Variants in SECISBP2 observed in about 807,000 individuals in gnomAD.
SECISBP2 encodes selenocysteine insertion sequence-binding protein 2.
In SECISBP2, 96 loss-of-function variants were observed where a neutral mutation model predicts 98.2. The ratio of observed to expected loss-of-function variants is 0.98; its 90% CI spans 0.83 to 1.16. The LOEUF (loss-of-function observed/expected upper bound fraction) is 1.16. Among genes scored for constraint, SECISBP2 ranks in the 50% most tolerant of loss-of-function variants. The pLI, the probability that SECISBP2 is intolerant of heterozygous loss-of-function variation, is 0.00. For missense variants in SECISBP2, 1,046 were observed against 1,022.9 expected, an observed-to-expected ratio of 1.02 and a Z score of -0.31; for synonymous variants, 407 against 370.2, an observed-to-expected ratio of 1.10 and a Z score of -1.14.
chr9:89,339,741 G>A (rs755810751), intron 8 of SECISBP2, 123 bp from the exon 9 acceptor site: 36 of 754,560 alleles, frequency 4.8e-5, no homozygotes, highest in South Asian at 2.9e-4. Flanking sequence ...AGAGTTTCGC[G>A]GCTTTTTTTT....
At chr9:89,321,717 A>C (rs1448669673) in intron 2 of SECISBP2, among the ~76,000 whole-genome samples, 1 of 152,186 alleles carries the variant, frequency 6.6e-6, no homozygotes, top group Non-Finnish European at 1.5e-5. Flanking sequence ...TTGGTTTATG[A>C]CCAAGGAAAA....
downstream of SECISBP2, chr9:89,362,348 G>C: frequency 6.2e-7 from 1 of 1,614,048 alleles, no homozygotes. Flanking sequence ...TGTGGTCAGT[G>C]GCAGCAGGGT....
Position 89,334,625 on chromosome 9 carries a change from T to G in SECISBP2, c.984T>G (p.Ile328Met), listed in dbSNP as rs770595035. The G allele has an allele frequency of 3.1e-6, 5 of 1,613,928 alleles. No homozygotes were observed. In the Admixed American group the frequency reaches 8.3e-5, roughly 27 times the overall value. Residue 328 changes from isoleucine to methionine, a missense_variant, in exon 7 of 17, where the codon ATT becomes ATG. By Grantham distance (10) the Ile-to-Met change is conservative (BLOSUM62 1). Transcript: ENST00000375807. ...CTTCTATGATAAACTTAAAGACCAT[T>G]GCTTCATCAGCAGATCCTAAAAATG... ...NVTSMINLKT[I>M]ASSADPKNVS...
downstream of SECISBP2, chr9:89,360,656 A>G (rs1243180279): frequency 1.3e-5 from 2 of 152,190 alleles, no homozygotes; most frequent in African/African-American, 2.4e-5. Flanking sequence ...TGGTGATGCT[A>G]TCATTTTCTT....
At position 89,358,709 on chromosome 9, in the gene SECISBP2, T is replaced by C; in HGVS notation, c.2462-12T>C. On this transcript the variant is annotated splice_polypyrimidine_tract_variant and intron_variant, in intron 16 of 16. Coordinates refer to ENST00000375807, the MANE Select transcript of SECISBP2 (RefSeq NM_024077.5). ...ATGCCTATTCCTCACTCGTGCTGTT[T>C]TCTCATTTTAGTTGAAATCTGGAAA... 1 of 1,579,998 alleles carries C rather than the reference T, an allele frequency of 6.3e-7. No individual in the cohort carries two copies. The highest frequency in any genetic ancestry group is 1.3e-5 in the African/African-American group (1 of 74,178).
intron 14 of SECISBP2, among the ~76,000 whole-genome samples, chr9:89,351,406 T>C (rs1180866761): frequency 6.6e-6 from 1 of 152,234 alleles, no homozygotes; most frequent in Non-Finnish European, 1.5e-5. Context: ...ATGTTTACCC[T>C]GTGCTTGTGC....
At chr9:89,357,281 T>G (rs1376645788) in intron 14 of SECISBP2, 130 bp from the exon 15 acceptor site, 3 of 981,454 alleles carry the variant, frequency 3.1e-6, no homozygotes, top group Non-Finnish European at 4.9e-6. Flanking sequence ...CCTTGTATTT[T>G]CAGGGGCGTC....
intron 7 of SECISBP2, among the ~76,000 whole-genome samples, chr9:89,336,689 C>T (rs1361760652): frequency 1.3e-5 from 2 of 149,172 alleles, no homozygotes; most frequent in African/African-American, 2.5e-5. Context: ...ACTTGACTCT[C>T]GGTGAAGCCT....
At chr9:89,350,604 AAT>A in intron 13 of SECISBP2, 26 bp from the exon 14 acceptor site, 1 of 1,603,374 alleles carries the variant, frequency 6.2e-7, no homozygotes. Flanking sequence ...CCAGTGGCAC[AAT>A]TCCTGATGTC....
intron 16 of SECISBP2, 130 bp downstream of exon 16, chr9:89,358,321 C>A: frequency 2.2e-6 from 2 of 911,846 alleles, no homozygotes; most frequent in Non-Finnish European, 3.5e-6. Context: ...GTAAGTCCAG[C>A]CCATTGCCTA....
chr9:89,346,202 A>G (rs1382050008), intron 10 of SECISBP2, among the ~76,000 whole-genome samples: 4 of 152,244 alleles, frequency 2.6e-5, no homozygotes, highest in African/African-American at 9.6e-5. Flanking sequence ...GGATAAAACT[A>G]TATGAGAATT....
At chr9:89,364,765 G>GGA in the SECISBP2 span, 1 of 152,424 alleles carries the variant, frequency 6.6e-6, no homozygotes, top group Non-Finnish European at 1.5e-5. Context: ...CTTGTCTGAT[G>GGA]GAGAGATCAG....
chr9:89,322,111 A>G (rs1825918077), intron 2 of SECISBP2: 1 of 152,238 alleles, frequency 6.6e-6, no homozygotes. Context: ...AAAGATGCTC[A>G]TTTATTCATT....
At chr9:89,341,286 TAA>T in intron 9 of SECISBP2, 59 bp from the exon 10 acceptor site, 1 of 1,511,894 alleles carries the variant, frequency 6.6e-7, no homozygotes, top group Non-Finnish European at 9.1e-7. Context: ...CAGTTTTTTG[TAA>T]AAAGAAAAGC....
chr9:89,364,680 T>C, the SECISBP2 span: 1 of 154,500 alleles, frequency 6.5e-6, no homozygotes, highest in East Asian at 1.9e-4. Flanking sequence ...TTGAAGAAAG[T>C]AGAGAGGCCA....
intron 4 of SECISBP2, among the ~76,000 whole-genome samples, chr9:89,328,400 G>A (rs373265812): frequency 4.1e-4 from 62 of 152,292 alleles, no homozygotes; most frequent in Non-Finnish European, 8.1e-4. Flanking sequence ...TATGTGGCGC[G>A]TGACTATACA....
At chr9:89,356,908 T>A (rs1832174015) in intron 14 of SECISBP2, 1 of 210,678 alleles carries the variant, frequency 4.7e-6, no homozygotes, top group African/African-American at 2.3e-5. Flanking sequence ...GTGCATCACC[T>A]GCACATGGTA....
chr9:89,318,622 G>A lies in SECISBP2; in HGVS notation c.36+10G>A, dbSNP rs756079609. 4.9e-6 allele frequency: 7 copies of A among 1,430,332 alleles called. No individual in the cohort carries two copies. In the African/African-American group the frequency reaches 9.1e-5, roughly 19 times the overall value. 88.6% of individuals were successfully genotyped at this position (1,430,332 alleles called of 1,614,324 possible). A position where few individuals can be genotyped will look rare whatever the true frequency, so the allele number is the denominator to read the frequency against. On this transcript the variant is annotated intron_variant, in intron 1 of 16. Transcript: ENST00000375807. ...GGAGCCCGAAAGCGAGGTAAGGGCC[G>A]ACGGGGGCTCTCTCGGCAGCCTCAG...
intron 10 of SECISBP2, among the ~76,000 whole-genome samples, chr9:89,344,892 A>T (rs1830208188): frequency 6.6e-6 from 1 of 152,228 alleles, no homozygotes; most frequent in Non-Finnish European, 1.5e-5. Flanking sequence ...TCTTTTAAAG[A>T]AGAGAAGGAA....
Sources: gnomAD v4.1 joint callset for allele counts (sites outside exome capture counted in the v4.1 genomes callset) on GRCh38, gnomAD v4.1.1 for gene constraint, MANE v1.5 for transcripts, NCBI Gene and HGNC (gene_info 2026-07-23, HGNC 2026-07-21) for gene names.